ALKBH3: variants seen among roughly 807,000 people sequenced by gnomAD.
ALKBH3 encodes alkB homolog 3, alpha-ketoglutarate dependent dioxygenase, also known as alpha-ketoglutarate-dependent dioxygenase alkB homolog 3.
A neutral mutation model predicts 43.9 loss-of-function variants in ALKBH3; 51 were observed. The observed-to-expected ratio is 1.16, with a 90% CI of 0.93 to 1.47. ALKBH3 has a LOEUF of 1.47. Ranked by LOEUF, ALKBH3 falls within the 40% of genes most tolerant of loss-of-function variation. ALKBH3 has a pLI of 0.00. For synonymous variants in ALKBH3, 102 were observed against 115.2 expected (o/e 0.89, Z 0.73); for missense variants, 361 against 351.9 (o/e 1.03, Z -0.21).
At chr11:43,894,733 A>G (rs542251467) in intron 7 of ALKBH3, among the ~76,000 whole-genome samples, 5 of 152,360 alleles carry the variant, frequency 3.3e-5, no homozygotes, top group African/African-American at 9.6e-5. Context: ...CTTTATCGCT[A>G]TGAAGATAAA....
chr11:43,882,669 G>C lies in ALKBH3; in HGVS notation c.17G>C (p.Arg6Pro). 2.5e-6 allele frequency: 4 copies of C among 1,613,206 alleles called. No individual in the cohort carries two copies. The highest frequency in any genetic ancestry group is 3.4e-6 in the Non-Finnish European group (4 of 1,179,748). Residue 6 changes from arginine to proline, a missense_variant, in exon 2 of 10, where the codon CGG becomes CCG. Arg to Pro is a moderately radical substitution (Grantham distance 103, BLOSUM62 -2). Coordinates refer to ENST00000302708, the MANE Select transcript of ALKBH3 (RefSeq NM_139178.4). MEEKR[R>P]RARVQGAWAA... The stretch of plus-strand genomic sequence containing the variant: ...TTGGTCAACATGGAGGAAAAAAGAC[G>C]GCGAGCCCGAGTTCAGGGAGCCTGG...
chr11:43,919,150 A>G lies in ALKBH3; in HGVS notation c.768+14A>G. 6.3e-7 allele frequency: 1 copy of G among 1,596,294 alleles called. No individual in the cohort carries two copies. On this transcript the variant is annotated intron_variant, in intron 9 of 9. Transcript: ENST00000302708. Reference sequence around the variant, plus strand: ...GCTGACTGGCAGGTGAGGATCTGCAAGTAATATGAATCTGCTTTCATGTGG... The same window carrying G: ...GCTGACTGGCAGGTGAGGATCTGCAGGTAATATGAATCTGCTTTCATGTGG...
intron 7 of ALKBH3, chr11:43,899,074 C>T (rs947123945): frequency 1.3e-6 from 1 of 751,188 alleles, no homozygotes; most frequent in Non-Finnish European, 2.5e-6. Context: ...TCAGTCACCA[C>T]TTGGAATTTT....
At chr11:43,892,292 G>C (rs914737654) in intron 7 of ALKBH3, among the ~76,000 whole-genome samples, 163 bp downstream of exon 7, 1 of 152,148 alleles carries the variant, frequency 6.6e-6, no homozygotes, top group East Asian at 1.9e-4. Flanking sequence ...CATCCTTCAT[G>C]TGCTAGAGGA....
At chr11:43,907,236 T>C (rs935893553) in intron 8 of ALKBH3, among the ~76,000 whole-genome samples, 2 of 152,090 alleles carry the variant, frequency 1.3e-5, no homozygotes, top group Non-Finnish European at 2.9e-5. Flanking sequence ...TGTGCGTGTG[T>C]GTGTTTAAGC....
At chr11:43,898,610 G>C (rs913146951) in intron 7 of ALKBH3, 3 of 742,168 alleles carry the variant, frequency 4.0e-6, no homozygotes, top group Non-Finnish European at 7.6e-6. Context: ...TCATGGACCT[G>C]CCTGGCGGAC....
chr11:43,897,994 T>C (rs1348723543), intron 7 of ALKBH3: 5 of 817,928 alleles, frequency 6.1e-6, no homozygotes, highest in African/African-American at 1.7e-5. Context: ...CATCACGCCC[T>C]CTTCAGAGAC....
In ALKBH3 at chr11:43,883,068, C is replaced by G; in HGVS notation, c.80-17C>G. Reference sequence around the variant, plus strand: ...AGACTTTCCCCTGGTTTGAGGCTGTCCCCTCTCTTGCTTCAGCTACCACTG... The same window carrying G: ...AGACTTTCCCCTGGTTTGAGGCTGTGCCCTCTCTTGCTTCAGCTACCACTG... On this transcript the variant is annotated splice_polypyrimidine_tract_variant and intron_variant, in intron 2 of 9. Coordinates refer to ENST00000302708, the MANE Select transcript of ALKBH3 (RefSeq NM_139178.4). 6.2e-7 allele frequency: 1 copy of G among 1,607,680 alleles called. No individual in the cohort carries two copies. The highest frequency in any genetic ancestry group is 2.2e-5 in the East Asian group (1 of 44,846).
chr11:43,915,218 A>C (rs1313540940), intron 8 of ALKBH3, among the ~76,000 whole-genome samples: 2 of 151,730 alleles, frequency 1.3e-5, no homozygotes, highest in African/African-American at 2.4e-5. Flanking sequence ...AAAAAAAGAA[A>C]AAAAAAAAAA....
intron 8 of ALKBH3, among the ~76,000 whole-genome samples, chr11:43,917,384 T>C (rs1423436252): frequency 6.6e-6 from 1 of 152,210 alleles, no homozygotes; most frequent in Non-Finnish European, 1.5e-5. Context: ...ATTGCCTTCA[T>C]GTTGTGGTTA....
rs1012456706 is a variant in ALKBH3 at position 43,901,652 on chromosome 11, G to C, written c.596G>C (p.Gly199Ala). The C allele has an allele frequency of 2.5e-6, 4 of 1,614,126 alleles. No individual in the cohort carries two copies. In the African/African-American group the frequency reaches 5.3e-5, roughly 22 times the overall value. The change falls in exon 8 of 10, where the codon GGG becomes GCG. Residue 199 changes from glycine (G) to alanine (A), a missense_variant. Coordinates refer to ENST00000302708, the MANE Select transcript of ALKBH3 (RefSeq NM_139178.4). Reference protein sequence around the residue: ...DWHSDDEPSLGRCPIIASLSF... With the variant: ...DWHSDDEPSLARCPIIASLSF... ...CACAGTGATGATGAACCCTCACTAG[G>C]GAGGTGCCCCATTATTGCTTCACTA... is the stretch of plus-strand genomic sequence containing the variant.
chr11:43,906,054 A>G (rs1951893965), intron 8 of ALKBH3, among the ~76,000 whole-genome samples: 2 of 152,222 alleles, frequency 1.3e-5, no homozygotes, highest in Admixed American at 1.3e-4. Context: ...ATCCTTCATC[A>G]GCTGAATTCT....
intron 3 of ALKBH3, among the ~76,000 whole-genome samples, chr11:43,883,657 T>A (rs1303307804): frequency 6.6e-6 from 1 of 152,250 alleles, no homozygotes; most frequent in African/African-American, 2.4e-5. Flanking sequence ...CTTGCCATAG[T>A]AACAACCCTA....
At position 43,887,709 on chromosome 11, in the gene ALKBH3, C is replaced by T. The variant is rs909595924; in HGVS notation, c.266+1056C>T. Among the ~76,000 whole-genome samples, 17 of 152,284 alleles carry T rather than the reference C, an allele frequency of 1.1e-4. No homozygotes were observed. The East Asian group carries it at 2.9e-3, about 26-fold the overall frequency. Reference sequence around the variant, plus strand: ...GTGAGTGCTACATTATATTATTATACTTCATGTATATTACATATTGTAGAT... The same window carrying T: ...GTGAGTGCTACATTATATTATTATATTTCATGTATATTACATATTGTAGAT... On this transcript the variant is annotated intron_variant, in intron 5 of 9. Coordinates refer to ENST00000302708, the MANE Select transcript of ALKBH3 (RefSeq NM_139178.4).
chr11:43,895,883 T>G (rs1951815175), intron 7 of ALKBH3, among the ~76,000 whole-genome samples: 1 of 152,258 alleles, frequency 6.6e-6, no homozygotes, highest in African/African-American at 2.4e-5. Flanking sequence ...GATGAAGTAG[T>G]AAACATTATT....
In ALKBH3 at chr11:43,899,783, A is replaced by G. The variant is rs976949746; in HGVS notation, c.460-1733A>G. The stretch of plus-strand genomic sequence containing the variant: ...AACTCAACAGCCATAGATTTTGTAT[A>G]TGTTGTGCACAAAATCAAACCAGAG... On this transcript the variant is annotated intron_variant, in intron 7 of 9. Transcript: ENST00000302708. 6.6e-5 allele frequency: 13 copies of G among 196,474 alleles called. No homozygotes were observed. In the East Asian group the frequency reaches 1.5e-3, roughly 23 times the overall value. 12.2% of individuals were successfully genotyped at this position (196,474 alleles called of 1,614,324 possible).
At chr11:43,908,374 G>A (rs1219389121) in intron 8 of ALKBH3, among the ~76,000 whole-genome samples, 2 of 152,206 alleles carry the variant, frequency 1.3e-5, no homozygotes, top group Non-Finnish European at 2.9e-5. Context: ...AACAGTTTGG[G>A]AATGAGTGTT....
Position 43,919,994 on chromosome 11 carries a change from G to A in ALKBH3, c.845G>A (p.Arg282Gln), listed in dbSNP as rs745889417. ...TTTCGGACAGTCTATCCAGACCCTC[G>A]AGGGGCACCCTGGTGACGTCAGAGC... ...LTFRTVYPDP[R>Q]GAPW Residue 282 changes from arginine (R) to glutamine (Q), a missense_variant, in exon 10 of 10, where the codon CGA (arginine) becomes CAA (glutamine). Arg to Gln is a conservative substitution (Grantham distance 43, BLOSUM62 1). Transcript: ENST00000302708. 17 of 1,613,870 alleles carry A rather than the reference G, an allele frequency of 1.1e-5. No homozygotes were observed. The highest frequency in any genetic ancestry group is 1.4e-5 in the Non-Finnish European group (16 of 1,179,916).
intron 6 of ALKBH3, among the ~76,000 whole-genome samples, chr11:43,891,187 TCTCAA>T (rs1289863114): frequency 1.3e-5 from 2 of 152,188 alleles, no homozygotes; most frequent in Non-Finnish European, 2.9e-5. Context: ...GACAGCCTTC[TCTCAA>T]CTCCCACAGT....
Sources: allele counts gnomAD v4.1 joint callset (sites outside exome capture counted in the v4.1 genomes callset), GRCh38; gene constraint gnomAD v4.1.1; transcripts MANE v1.5; gene names NCBI Gene and HGNC (gene_info 2026-07-23, HGNC 2026-07-21).